The following NCOA1 variants were observed in gnomAD, a reference collection of about 807,000 sequenced individuals.
NCOA1 encodes nuclear receptor coactivator 1.
A neutral mutation model predicts 150.9 loss-of-function variants in NCOA1; 35 were observed. The ratio of observed to expected loss-of-function variants is 0.23; its 90% confidence interval spans 0.18 to 0.31. The LOEUF (loss-of-function observed/expected upper bound fraction) is 0.31. Ranked by LOEUF, NCOA1 falls within the 10% of genes least tolerant of loss-of-function variation. The pLI, the probability that NCOA1 is intolerant of heterozygous loss-of-function variation, is 1.00. For synonymous variants in NCOA1, 590 were observed against 630.0 expected, an observed-to-expected ratio of 0.94 and a Z score of 0.95; for missense variants, 1,491 against 1,749.3, an observed-to-expected ratio of 0.85 and a Z score of 2.63.
At chr2:24,621,364 C>G (rs903879513) in intron 3 of NCOA1, among the ~76,000 whole-genome samples, 11 of 131,934 alleles carry the variant, frequency 8.3e-5, no homozygotes, top group Admixed American at 4.9e-4. Flanking sequence ...ACTTCAGTGT[C>G]TAATTGAACA....
At chr2:24,728,551 A>C in intron 16 of NCOA1, 75 bp downstream of exon 16, 1 of 1,344,104 alleles carries the variant, frequency 7.4e-7, no homozygotes. Context: ...CAAGATTTTA[A>C]AGTATTGTAC....
rs1207407248 is a variant in NCOA1, at chr2:24,539,060, C to G, written c.-395-25235C>G. Among the ~76,000 whole-genome samples, 9 of 152,258 alleles carry G rather than the reference C, an allele frequency of 5.9e-5. No individual in the cohort carries two copies. The South Asian group carries it at 1.9e-3, about 32-fold the overall frequency. On this transcript the variant is annotated intron_variant, in intron 1 of 22. Coordinates refer to ENST00000348332, the MANE Select transcript of NCOA1 (RefSeq NM_003743.5). ...GTAAAAGTTAGGAAGTACAGATAAG[C>G]AAAAATCAAGAAAACAACCACTATT... is the stretch of plus-strand genomic sequence containing the variant.
chr2:24,672,421 G>T (rs1345258719), intron 6 of NCOA1, among the ~76,000 whole-genome samples: 1 of 151,906 alleles, frequency 6.6e-6, no homozygotes, highest in Non-Finnish European at 1.5e-5. Context: ...TTGAGACATG[G>T]TCTCATCCTG....
At chr2:24,492,834 G>C (rs1361296890) in intron 1 of NCOA1, among the ~76,000 whole-genome samples, 1 of 152,160 alleles carries the variant, frequency 6.6e-6, no homozygotes, top group African/African-American at 2.4e-5. Context: ...CAGTGATTAA[G>C]AAATCAAGTG....
intron 1 of NCOA1, among the ~76,000 whole-genome samples, chr2:24,513,149 G>A (rs987205551): frequency 1.3e-5 from 2 of 152,128 alleles, no homozygotes; most frequent in African/African-American, 4.8e-5. Flanking sequence ...AAAGAATAGT[G>A]GAAAAATCAT....
chr2:24,522,205 T>C (rs937250957), intron 1 of NCOA1, among the ~76,000 whole-genome samples: 30 of 152,210 alleles, frequency 2.0e-4, no homozygotes, highest in African/African-American at 7.2e-4. Flanking sequence ...CCATAGTATA[T>C]ACCTTCTGTA....
chr2:24,534,663 G>C (rs968207252), intron 1 of NCOA1, among the ~76,000 whole-genome samples: 1 of 152,054 alleles, frequency 6.6e-6, no homozygotes, highest in Non-Finnish European at 1.5e-5. Context: ...CGTTCTCATT[G>C]GTTTTGAAGA....
rs555427417 is a variant in NCOA1 at position 24,766,845 on chromosome 2, C to T, written c.4156-1376C>T. On this transcript the variant is annotated intron_variant, in intron 22 of 22. Transcript: ENST00000348332. ...AGAGGCAGCTGGAGAGCAGACTGGG[C>T]GCGTTGGTGTGTTATAGACACAAGA... Among the ~76,000 whole-genome samples, 10 of 151,968 alleles carry T rather than the reference C, an allele frequency of 6.6e-5. 1 individual carries two copies. In the South Asian group the frequency reaches 1.0e-3, roughly 16 times the overall value.
At chr2:24,590,430 A>C (rs1157273613) in intron 3 of NCOA1, among the ~76,000 whole-genome samples, 1 of 152,188 alleles carries the variant, frequency 6.6e-6, no homozygotes, top group Non-Finnish European at 1.5e-5. Flanking sequence ...TTAAGCTTAT[A>C]ACTTTGATAT....
At chr2:24,608,574 C>G (rs969333177) in intron 3 of NCOA1, among the ~76,000 whole-genome samples, 11 of 151,720 alleles carry the variant, frequency 7.3e-5, no homozygotes, top group African/African-American at 2.2e-4. Flanking sequence ...GCCAGTTCTC[C>G]CATTATTAAC....
rs1358658527 is a variant in NCOA1 at position 24,641,763 on chromosome 2, C to T, written c.-174-2203C>T. Among the ~76,000 whole-genome samples the T allele has an allele frequency of 5.9e-5, 9 of 152,170 alleles. No homozygotes were observed. In the South Asian group the frequency reaches 1.9e-3, roughly 32 times the overall value. On this transcript the variant is annotated intron_variant, in intron 3 of 22. Transcript: ENST00000348332. ...TGTTTCCTTGTATGTGACGTGCTAC[C>T]TTGCCCAAGCTAGTTTCAAAATTTT...
At chr2:24,708,182 T>C (rs2148597419) in intron 13 of NCOA1, among the ~76,000 whole-genome samples, 1 of 152,254 alleles carries the variant, frequency 6.6e-6, no homozygotes, top group South Asian at 2.1e-4. Context: ...TGCCCCTCTC[T>C]CCCAGCCCTA....
At chr2:24,492,362 A>G (rs2148053195) in intron 1 of NCOA1, among the ~76,000 whole-genome samples, 1 of 152,284 alleles carries the variant, frequency 6.6e-6, no homozygotes, top group East Asian at 1.9e-4. Context: ...AGTCCCTTGT[A>G]AAAGACCTGA....
chr2:24,733,160 T>C (rs1269625405), intron 17 of NCOA1, among the ~76,000 whole-genome samples: 2 of 152,178 alleles, frequency 1.3e-5, no homozygotes, highest in Non-Finnish European at 1.5e-5. Flanking sequence ...CCTGATTAAA[T>C]CAAGAAATTG....
chr2:24,560,701 T>G (rs1388334375), intron 1 of NCOA1, among the ~76,000 whole-genome samples: 7 of 152,222 alleles, frequency 4.6e-5, no homozygotes, highest in African/African-American at 1.7e-4. Context: ...TGTGTTTTAC[T>G]TTTTGCAGGC....
At chr2:24,743,262 G>C (rs1663702649) in intron 19 of NCOA1, among the ~76,000 whole-genome samples, 3 of 152,210 alleles carry the variant, frequency 2.0e-5, no homozygotes, top group African/African-American at 7.2e-5. Flanking sequence ...TGTTTGACTT[G>C]AATAAAATGT....
At chr2:24,756,389 A>C (rs1664502306) in intron 20 of NCOA1, among the ~76,000 whole-genome samples, 1 of 152,226 alleles carries the variant, frequency 6.6e-6, no homozygotes, top group African/African-American at 2.4e-5. Context: ...TTTCCTAGGC[A>C]TATAATTTTC....
chr2:24,686,866 T>C (rs1672427652), intron 8 of NCOA1, among the ~76,000 whole-genome samples: 1 of 152,206 alleles, frequency 6.6e-6, no homozygotes, highest in African/African-American at 2.4e-5. Flanking sequence ...TTTAAGAAGA[T>C]AATGATAGTT....
At chr2:24,604,721 C>T (rs1009077084) in intron 3 of NCOA1, among the ~76,000 whole-genome samples, 1 of 152,204 alleles carries the variant, frequency 6.6e-6, no homozygotes, top group Non-Finnish European at 1.5e-5. Context: ...AAACTTTACC[C>T]ATATGAGCAA....
Sources: allele counts gnomAD v4.1 joint callset (sites outside exome capture counted in the v4.1 genomes callset), GRCh38; gene constraint gnomAD v4.1.1; transcripts MANE v1.5; gene names NCBI Gene and HGNC (gene_info 2026-07-23, HGNC 2026-07-21).